Variants in MACF1 observed in about 807,000 individuals in gnomAD.
MACF1 encodes microtubule actin crosslinking factor 1.
Under a neutral mutation model 854.8 loss-of-function variants are expected in MACF1, and 193 were observed. That is an observed-to-expected ratio of 0.23 (90% CI 0.20 to 0.25). MACF1 has a LOEUF of 0.25. MACF1 is among the 10% of genes least tolerant of loss of function. The pLI is 1.00. For synonymous variants in MACF1, 3,185 were observed against 3,226.7 expected (o/e 0.99, Z 0.44); for missense variants, 7,722 against 8,929.1 (o/e 0.86, Z 5.45).
intron 40 of MACF1, 138 bp from the exon 41 acceptor site, chr1:39,346,839 T>G: frequency 1.5e-6 from 1 of 653,784 alleles, no homozygotes; most frequent in Non-Finnish European, 2.7e-6. Flanking sequence ...TTAATTCTAA[T>G]TTGGCCCTAG....
intron 1 of MACF1, among the ~76,000 whole-genome samples, chr1:39,206,179 G>C (rs1644448157): frequency 6.6e-6 from 1 of 152,190 alleles, no homozygotes; most frequent in Non-Finnish European, 1.5e-5. Flanking sequence ...TCCCAGAAAA[G>C]CTTTTGACTA....
chr1:39,226,859 G>C (rs1413032791), intron 1 of MACF1, among the ~76,000 whole-genome samples: 1 of 151,896 alleles, frequency 6.6e-6, no homozygotes, highest in Non-Finnish European at 1.5e-5. Context: ...ATAAAAAAAA[G>C]AAAAAACACT....
chr1:39,214,640 G>A (rs973123988), intron 1 of MACF1, among the ~76,000 whole-genome samples: 6 of 152,198 alleles, frequency 3.9e-5, no homozygotes, highest in Admixed American at 2.6e-4. Flanking sequence ...TGGCTGAGGT[G>A]GGGCTACTCT....
chr1:39,289,331 T>C (rs1645718859), intron 15 of MACF1, among the ~76,000 whole-genome samples: 1 of 152,192 alleles, frequency 6.6e-6, no homozygotes, highest in Non-Finnish European at 1.5e-5. Context: ...TCCATAGTGG[T>C]TGTACTAATT....
At chr1:39,175,812 G>A (rs1644015529) in intron 2 of MACF1, among the ~76,000 whole-genome samples, 1 of 150,980 alleles carries the variant, frequency 6.6e-6, no homozygotes, top group Non-Finnish European at 1.5e-5. Flanking sequence ...AATTAGCCGG[G>A]TGTGGCCAGG....
At position 39,350,816 on chromosome 1, in the gene MACF1, C is replaced by T; in HGVS notation, c.10997C>T (p.Thr3666Ile). 1.2e-6 allele frequency: 2 copies of T among 1,614,008 alleles called. No homozygotes were observed. The highest frequency in any genetic ancestry group is 1.1e-5 in the South Asian group (1 of 91,056). Residue 3666 changes from threonine to isoleucine, a missense_variant, in exon 43 of 101, where the codon ACC (threonine) becomes ATC (isoleucine). Around this residue, in one of 15 missense-constraint regions of MACF1, gnomAD observed 2,807 missense variants for 3,235.8 expected, o/e 0.87. Coordinates refer to ENST00000564288, the MANE Select transcript of MACF1 (RefSeq NM_001394062.1). ...CAGGATGACATTCAGAATCGTGCCA[C>T]CTCATTTGCCACTGTTGTCAAGGAC... Reference protein sequence around the residue: ...DLQDDIQNRATSFATVVKDIE... With the variant: ...DLQDDIQNRAISFATVVKDIE...
intron 38 of MACF1, among the ~76,000 whole-genome samples, chr1:39,337,750 G>GT (rs770439410): frequency 8.0e-4 from 115 of 144,364 alleles, no homozygotes; most frequent in Non-Finnish European, 1.5e-3. Flanking sequence ...TTGTTTGTTT[G>GT]TTTTTTGTGT....
chr1:39,219,426 G>T (rs1644621534), intron 1 of MACF1, among the ~76,000 whole-genome samples: 10 of 152,190 alleles, frequency 6.6e-5, no homozygotes, highest in Admixed American at 6.5e-4. Flanking sequence ...TGAGAGAGTT[G>T]TGAGGATTGT....
At chr1:39,219,735 G>A (rs989311787) in intron 1 of MACF1, among the ~76,000 whole-genome samples, 2 of 152,168 alleles carry the variant, frequency 1.3e-5, no homozygotes, top group African/African-American at 2.4e-5. Context: ...CTGAGTGGGA[G>A]TACCTGCTCC....
intron 2 of MACF1, among the ~76,000 whole-genome samples, chr1:39,147,533 C>T (rs1643495997): frequency 7.1e-6 from 1 of 140,976 alleles, no homozygotes; most frequent in Non-Finnish European, 1.5e-5. Flanking sequence ...TTCCTTCTTT[C>T]TTCTTCAACA....
rs1645108131 is a variant in MACF1 at position 39,486,991 on chromosome 1, T to C, written c.*1197T>C. 1 of 152,648 alleles carries C rather than the reference T, an allele frequency of 6.6e-6. No homozygotes were observed. The highest frequency in any genetic ancestry group is 1.5e-5 in the Non-Finnish European group (1 of 68,058). 9.5% of individuals were successfully genotyped at this position (152,648 alleles called of 1,614,324 possible). A position where few individuals can be genotyped will look rare whatever the true frequency, so the allele number is the denominator to read the frequency against. ...AAATTGCTTGCAGTAACAAATATTT[T>C]GTATTTCCTGATTTTCTTTTCAACT... is the stretch of plus-strand genomic sequence containing the variant. On this transcript the variant is annotated 3_prime_UTR_variant, in exon 101 of 101. Coordinates refer to ENST00000564288, the MANE Select transcript of MACF1 (RefSeq NM_001394062.1).
chr1:39,263,359 C>G (rs968627560), intron 6 of MACF1, among the ~76,000 whole-genome samples: 7 of 152,080 alleles, frequency 4.6e-5, no homozygotes, highest in African/African-American at 1.4e-4. Context: ...TTCTAAAATG[C>G]TTTAACACAT....
chr1:39,474,971 C>T (rs1644850360), intron 97 of MACF1, among the ~76,000 whole-genome samples: 1 of 152,144 alleles, frequency 6.6e-6, no homozygotes, highest in South Asian at 2.1e-4. Flanking sequence ...CATGGGACTG[C>T]AGCCAAATGT....
intron 78 of MACF1, 106 bp downstream of exon 78, chr1:39,443,017 C>A: frequency 8.9e-7 from 1 of 1,126,924 alleles, no homozygotes; most frequent in Non-Finnish European, 1.3e-6. Context: ...TCCCTTATGT[C>A]TTGAGGGGAA....
At chr1:39,284,248 T>A (rs937155487) in intron 10 of MACF1, 63 bp downstream of exon 10, 6 of 1,591,756 alleles carry the variant, frequency 3.8e-6, no homozygotes, top group Non-Finnish European at 3.4e-6. Flanking sequence ...TCCAAGCTTA[T>A]CACTGCTGGC....
intron 2 of MACF1, among the ~76,000 whole-genome samples, chr1:39,115,167 A>G (rs1305353715): frequency 6.6e-6 from 1 of 152,196 alleles, no homozygotes; most frequent in Non-Finnish European, 1.5e-5. Flanking sequence ...CTATGCTTAG[A>G]TTTACATTTT....
chr1:39,458,330 A>T lies in MACF1; in HGVS notation c.21076-40A>T, dbSNP rs576785508. ...CCTTTGCCCCCATAAGAGTAAAAAT[A>T]CAATATTTAACTCTTTTTCCTATTT... On this transcript the variant is annotated intron_variant, in intron 89 of 100. Transcript: ENST00000564288. 5.3e-5 allele frequency: 85 copies of T among 1,601,680 alleles called. No homozygotes were observed. The East Asian group carries it at 1.8e-3, about 35-fold the overall frequency.
chr1:39,449,885 A>C (rs991924445), intron 84 of MACF1, among the ~76,000 whole-genome samples: 2 of 150,816 alleles, frequency 1.3e-5, no homozygotes, highest in African/African-American at 2.4e-5. Context: ...TTTGAGATGG[A>C]ATCTCCCTCT....
intron 58 of MACF1, chr1:39,414,468 T>C: frequency 3.7e-6 from 6 of 1,614,002 alleles, no homozygotes; most frequent in Non-Finnish European, 5.1e-6. Flanking sequence ...CTGGATTAAA[T>C]TCAGATGAGG....
Sources: allele counts gnomAD v4.1 joint callset (sites outside exome capture counted in the v4.1 genomes callset), GRCh38; gene constraint gnomAD v4.1.1; regional missense constraint gnomAD v4.1.1; transcripts MANE v1.5; gene names NCBI Gene and HGNC (gene_info 2026-07-23, HGNC 2026-07-21).